PPP1R15B: variants seen among roughly 807,000 people sequenced by gnomAD.
The protein encoded by PPP1R15B is protein phosphatase 1, regulatory (inhibitor) subunit 15B.
In PPP1R15B, 31 loss-of-function variants were observed where a neutral mutation model predicts 53.9. The observed-to-expected ratio is 0.58, with a 90% CI of 0.43 to 0.78. The LOEUF (loss-of-function observed/expected upper bound fraction) is 0.78, where lower values mean the gene tolerates loss of function less well. PPP1R15B is among the 30% of genes least tolerant of loss of function. PPP1R15B has a pLI of 0.00. For missense variants in PPP1R15B, 928 were observed against 849.6 expected, an observed-to-expected ratio of 1.09 and a Z score of -1.15; for synonymous variants, 345 against 329.1, an observed-to-expected ratio of 1.05 and a Z score of -0.52.
chr1:204,401,131 C>A (rs1290420015), downstream of PPP1R15B, among the ~76,000 whole-genome samples: 1 of 152,250 alleles, frequency 6.6e-6, no homozygotes, highest in African/African-American at 2.4e-5. Context: ...CAACTGCCTT[C>A]TCCGTTCCAT....
chr1:204,398,444 G>C (rs1674124253), downstream of PPP1R15B, among the ~76,000 whole-genome samples: 1 of 152,106 alleles, frequency 6.6e-6, no homozygotes, highest in Admixed American at 6.5e-5. Flanking sequence ...CCGTGCCACT[G>C]TACTCCAGCC....
At chr1:204,397,585 G>A (rs11240736), downstream of PPP1R15B, among the ~76,000 whole-genome samples, 25,096 of 152,170 alleles carry the variant, frequency 0.16, 2,936 homozygotes, top group African/African-American at 0.33. Flanking sequence ...TGCTAAGTAT[G>A]TGAGGTAATA....
chr1:204,407,793 G>A (rs1261440969), intron 1 of PPP1R15B, among the ~76,000 whole-genome samples: 2 of 152,046 alleles, frequency 1.3e-5, no homozygotes, highest in African/African-American at 4.8e-5. Context: ...GAAAACAGAG[G>A]TAGAAGGGTT....
At chr1:204,399,391 T>C (rs1413524487), downstream of PPP1R15B, among the ~76,000 whole-genome samples, 1 of 152,046 alleles carries the variant, frequency 6.6e-6, no homozygotes. Flanking sequence ...TGAAACCCCA[T>C]CTCTACAAAA....
At chr1:204,397,409 C>T (rs1454164493), downstream of PPP1R15B, among the ~76,000 whole-genome samples, 2 of 151,808 alleles carry the variant, frequency 1.3e-5, no homozygotes, top group African/African-American at 4.8e-5. Context: ...GCCTGTAGTC[C>T]CAGCTACTTG....
At position 204,410,746 on chromosome 1, in the gene PPP1R15B, C is replaced by A. The variant is rs1466849766; in HGVS notation, c.666G>T (p.Leu222Phe). 1 of 1,614,048 alleles carries A rather than the reference C, an allele frequency of 6.2e-7. No homozygotes were observed. The highest frequency in any genetic ancestry group is 8.5e-7 in the Non-Finnish European group (1 of 1,180,040). ...AGCAGTCCAGGTAGGAAGGGTTCAG[C>A]AAATAGGATACCACACTGAAATTGT... Reference protein sequence around the residue: ...RIDNFSVVSYLLNPSYLDCFP... With the variant: ...RIDNFSVVSYFLNPSYLDCFP... The change falls in exon 1 of 2, where the codon TTG (leucine) becomes TTT (phenylalanine). Residue 222 changes from leucine to phenylalanine, a missense_variant. Transcript: ENST00000367188.
At position 204,410,702 on chromosome 1, in the gene PPP1R15B, C is replaced by T. The variant is rs755978433; in HGVS notation, c.710G>A (p.Ser237Asn). Reference protein sequence around the residue: ...YLDCFPRLEVSYQNSDGNSEV... With the variant: ...YLDCFPRLEVNYQNSDGNSEV... ...GCTATTTCCATCACTGTTCTGATAG[C>T]TGACTTCTAGCCTAGGAAAGCAGTC... Residue 237 changes from serine to asparagine, a missense_variant, in exon 1 of 2, where the codon AGC (serine) becomes AAC (asparagine). Physicochemically the swap from Ser to Asn is conservative, Grantham distance 46. Transcript: ENST00000367188. The T allele has an allele frequency of 3.7e-6, 6 of 1,614,010 alleles. No individual in the cohort carries two copies. The African/African-American group carries it at 5.3e-5, about 14-fold the overall frequency.
Position 204,410,202 on chromosome 1 carries a change from C to T in PPP1R15B, c.1210G>A (p.Val404Ile), listed in dbSNP as rs1277785077. Residue 404 changes from valine (V) to isoleucine (I), a missense_variant, in exon 1 of 2, where the codon GTT (valine) becomes ATT (isoleucine). Physicochemically the swap from Val to Ile is conservative, Grantham distance 29. Transcript: ENST00000367188. ...KEPGEGRISV[V>I]DYSYLEGDLP... ...TCACCTTCTAGGTATGAGTAATCAA[C>T]TACACTTATTCGGCCCTCTCCAGGC... 1 of 1,614,002 alleles carries T rather than the reference C, an allele frequency of 6.2e-7. No homozygotes were observed. Among genetic ancestry groups the T allele is most frequent in the African/African-American group, 1.3e-5 (1 of 74,932 alleles).
At position 204,403,961 on chromosome 1, in the gene PPP1R15B, A is replaced by G. The variant is rs1259474120; in HGVS notation, c.*2131T>C. On this transcript the variant is annotated 3_prime_UTR_variant, in exon 2 of 2. Transcript: ENST00000367188. ...ATGGGGAACAATTTTCCAAAATCCAATGAAAGATGTCTCATTATTTTCAAA... is the reference window on the plus strand; with the variant it reads ...ATGGGGAACAATTTTCCAAAATCCAGTGAAAGATGTCTCATTATTTTCAAA... 2 of 985,440 alleles carry G rather than the reference A, an allele frequency of 2.0e-6. No individual in the cohort carries two copies. The highest frequency in any genetic ancestry group is 1.1e-4 in the East Asian group (1 of 8,816). 61.0% of individuals were successfully genotyped at this position (985,440 alleles called of 1,614,324 possible).
chr1:204,411,140 A>C lies in PPP1R15B; in HGVS notation c.272T>G (p.Met91Arg). ...AAAATCTAGCCATCTGGTCGGAAAC[A>C]TTCCACCGAAAAGTTGGCTCCAAAT... ...VLIWSQLFGG[M>R]FPTRWLDFAG... Residue 91 changes from methionine (M) to arginine (R), a missense_variant, in exon 1 of 2, where the codon ATG becomes AGG. Physicochemically the swap from Met to Arg is moderately conservative, Grantham distance 91. Coordinates refer to ENST00000367188, the MANE Select transcript of PPP1R15B (RefSeq NM_032833.5). 2 of 1,614,224 alleles carry C rather than the reference A, an allele frequency of 1.2e-6. No homozygotes were observed. The highest frequency in any genetic ancestry group is 3.3e-5 in the Admixed American group (2 of 60,024).
chr1:204,401,661 T>C (rs1372602380), downstream of PPP1R15B, among the ~76,000 whole-genome samples: 2 of 152,198 alleles, frequency 1.3e-5, no homozygotes, highest in Non-Finnish European at 2.9e-5. Flanking sequence ...AGTCTCCAAA[T>C]GACAATATGC....
chr1:204,409,575 C>T lies in PPP1R15B; in HGVS notation c.1837G>A (p.Gly613Arg), dbSNP rs1272737953. ...TCTGGACATTCACTTTCTTGGCTCC[C>T]CAACAGCTGCACCTTACAAGAAAGT... ...TLLSCKVQLL[G>R]SQESECPDSV... Residue 613 changes from glycine (G) to arginine (R), a missense_variant, in exon 1 of 2, where the codon GGG becomes AGG. Transcript: ENST00000367188. The T allele has an allele frequency of 6.2e-7, 1 of 1,614,038 alleles. No individual in the cohort carries two copies. The highest frequency in any genetic ancestry group is 1.7e-5 in the Admixed American group (1 of 60,006).
At chr1:204,406,819 TCA>T (rs1416701673) in intron 1 of PPP1R15B, among the ~76,000 whole-genome samples, 1 of 152,154 alleles carries the variant, frequency 6.6e-6, no homozygotes, top group Non-Finnish European at 1.5e-5. Flanking sequence ...CCTAAATATT[TCA>T]TATAGAGATA....
downstream of PPP1R15B, among the ~76,000 whole-genome samples, chr1:204,400,201 T>C (rs1226808092): frequency 2.8e-5 from 4 of 141,636 alleles, no homozygotes; most frequent in Non-Finnish European, 6.0e-5. Flanking sequence ...CATGCCACTG[T>C]ACTTCAGAGC....
In PPP1R15B at chr1:204,411,564, G is replaced by A. The variant is rs1326713298; in HGVS notation, c.-153C>T. 2.9e-6 allele frequency: 3 copies of A among 1,043,244 alleles called. No individual in the cohort carries two copies. The highest frequency in any genetic ancestry group is 4.1e-6 in the Non-Finnish European group (3 of 723,812). 64.6% of individuals were successfully genotyped at this position (1,043,244 alleles called of 1,614,324 possible). On this transcript the variant is annotated 5_prime_UTR_variant, in exon 1 of 2. Transcript: ENST00000367188. ...TCGAGCCAGCAGAAAAGCCACAGAG[G>A]GCAGCGAATGCGGCAGCGGGCGGCA...
rs944812731 is a variant in PPP1R15B, at chr1:204,404,206, T to C, written c.*1886A>G. ...ATGTGCTCCCTATGATTACCTAAAG[T>C]GGAGGTGCACAAAACACACAGAATC... On this transcript the variant is annotated 3_prime_UTR_variant, in exon 2 of 2. Coordinates refer to ENST00000367188, the MANE Select transcript of PPP1R15B (RefSeq NM_032833.5). 24 of 985,182 alleles carry C rather than the reference T, an allele frequency of 2.4e-5. No homozygotes were observed. The highest frequency in any genetic ancestry group is 2.9e-5 in the Non-Finnish European group (24 of 829,888). 61.0% of individuals were successfully genotyped at this position (985,182 alleles called of 1,614,324 possible).
At chr1:204,399,984 G>A (rs2103439099), downstream of PPP1R15B, among the ~76,000 whole-genome samples, 1 of 152,136 alleles carries the variant, frequency 6.6e-6, no homozygotes, top group South Asian at 2.1e-4. Context: ...GACGACTCAT[G>A]CCTGTAATCC....
At chr1:204,402,265 G>C (rs1674190487), downstream of PPP1R15B, among the ~76,000 whole-genome samples, 1 of 152,140 alleles carries the variant, frequency 6.6e-6, no homozygotes, top group Non-Finnish European at 1.5e-5. Flanking sequence ...GAAAGTGCCT[G>C]AATTAAGAGT....
Position 204,404,297 on chromosome 1 carries a change from C to T in PPP1R15B, c.*1795G>A, listed in dbSNP as rs761237970. Reference sequence around the variant, plus strand: ...AGCAGTTCAAGACCAGTCTGGCCAACATAGCGAAACCCCGTCTCTACTAAA... The same window carrying T: ...AGCAGTTCAAGACCAGTCTGGCCAATATAGCGAAACCCCGTCTCTACTAAA... On this transcript the variant is annotated 3_prime_UTR_variant, in exon 2 of 2. Coordinates refer to ENST00000367188, the MANE Select transcript of PPP1R15B (RefSeq NM_032833.5). 2.5e-6 allele frequency: 2 copies of T among 791,758 alleles called. No homozygotes were observed. Among genetic ancestry groups the T allele is most frequent in the Non-Finnish European group, 3.1e-6 (2 of 653,494 alleles). The allele number at this position is 791,758 out of a possible 1,614,324, so 49.0% of individuals were successfully genotyped here. A position where few individuals can be genotyped will look rare whatever the true frequency, so the allele number is the denominator to read the frequency against.
Sources: gnomAD v4.1 joint callset for allele counts (sites outside exome capture counted in the v4.1 genomes callset) on GRCh38, gnomAD v4.1.1 for gene constraint, MANE v1.5 for transcripts, NCBI Gene and HGNC (gene_info 2026-07-23, HGNC 2026-07-21) for gene names.